The following NECAB2 variants were observed in gnomAD, a reference collection of about 807,000 sequenced individuals.
NECAB2 encodes N-terminal EF-hand calcium binding protein 2.
NECAB2 carries 68 observed loss-of-function variants against 51.9 expected under a neutral mutation model. The ratio of observed to expected loss-of-function variants is 1.31; its 90% confidence interval spans 1.08 to 1.60. The LOEUF is 1.60. NECAB2 is among the 40% of genes most tolerant of loss of function. The pLI, the probability that NECAB2 is intolerant of heterozygous loss-of-function variation, is 0.00. For synonymous variants in NECAB2, 329 were observed against 203.5 expected (o/e 1.62, Z -5.25); for missense variants, 854 against 490.3 (o/e 1.74, Z -7.00).
At chr16:83,997,367 T>G (rs1435545864) in intron 9 of NECAB2, 98 bp downstream of exon 9, 5 of 1,470,852 alleles carry the variant, frequency 3.4e-6, no homozygotes, top group Non-Finnish European at 4.7e-6. Context: ...CCGCTCTCCC[T>G]GCTTGGGACC....
chr16:83,981,263 C>G, intron 5 of NECAB2, 136 bp downstream of exon 5: 1 of 714,152 alleles, frequency 1.4e-6, no homozygotes, highest in Non-Finnish European at 2.4e-6. Flanking sequence ...GCCTGGGCCT[C>G]TTTGAAGCAG....
At chr16:83,979,150 G>A (rs1312662436) in intron 3 of NECAB2, among the ~76,000 whole-genome samples, 1 of 152,082 alleles carries the variant, frequency 6.6e-6, no homozygotes, top group East Asian at 1.9e-4. Flanking sequence ...ACCCTTCCCA[G>A]CCTCACCTCC....
rs552637034 is a variant in NECAB2, at chr16:83,982,913, G to A, written c.459+1786G>A. ...TGAGACAGAGTCTCACTCTTGTCCAGGCTGGAGTGCAGTGATACAATGTCG... is the reference window on the plus strand; with the variant it reads ...TGAGACAGAGTCTCACTCTTGTCCAAGCTGGAGTGCAGTGATACAATGTCG... On this transcript the variant is annotated intron_variant, in intron 5 of 12. Transcript: ENST00000305202. 2.0e-5 allele frequency among the ~76,000 whole-genome samples: 3 copies of A among 150,924 alleles called. No homozygotes were observed. The East Asian group carries it at 5.9e-4, about 30-fold the overall frequency.
chr16:83,984,494 G>T (rs528966556), intron 5 of NECAB2, among the ~76,000 whole-genome samples: 82 of 151,644 alleles, frequency 5.4e-4, no homozygotes, highest in African/African-American at 1.8e-3. Context: ...AGGCCGAGGC[G>T]GGAGGATCGC....
chr16:83,977,922 A>G (rs1482876668), intron 2 of NECAB2, among the ~76,000 whole-genome samples: 2 of 152,158 alleles, frequency 1.3e-5, no homozygotes, highest in Non-Finnish European at 2.9e-5. Context: ...TTTGGAAGCT[A>G]TGGAGTGGTG....
chr16:83,972,201 C>A lies in NECAB2; in HGVS notation c.226+26C>A, dbSNP rs377764832. On this transcript the variant is annotated intron_variant, in intron 2 of 12. Transcript: ENST00000305202. ...GTGAGTTTCCCTTCCAGGCCGACGG[C>A]CGCCCCACTCCTTCTGTCCTCGTGC... 3 of 1,613,478 alleles carry A rather than the reference C, an allele frequency of 1.9e-6. No homozygotes were observed. In the South Asian group the frequency reaches 3.3e-5, roughly 18 times the overall value.
intron 10 of NECAB2, 114 bp from the exon 11 acceptor site, chr16:84,000,610 C>T (rs947041753): frequency 2.6e-6 from 2 of 756,600 alleles, no homozygotes; most frequent in Admixed American, 2.4e-5. Context: ...CAGGAAGAAA[C>T]ATTGAAGGCA....
chr16:83,994,573 A>G, intron 7 of NECAB2, 36 bp from the exon 8 acceptor site: 4 of 1,613,272 alleles, frequency 2.5e-6, no homozygotes, highest in Non-Finnish European at 3.4e-6. Context: ...CGTCCTGCCC[A>G]CCACTGAAGT....
chr16:84,000,005 G>A (rs991586380), intron 10 of NECAB2, among the ~76,000 whole-genome samples: 1 of 151,992 alleles, frequency 6.6e-6, no homozygotes, highest in Non-Finnish European at 1.5e-5. Flanking sequence ...TCATGCCTCA[G>A]TGTCCTGCAT....
At chr16:83,980,027 C>A (rs574680261) in intron 3 of NECAB2, among the ~76,000 whole-genome samples, 2 of 152,196 alleles carry the variant, frequency 1.3e-5, no homozygotes, top group African/African-American at 4.8e-5. Context: ...GCATGCAGAG[C>A]CCCCGAGTGC....
chr16:83,999,463 C>T (rs2084777566), intron 10 of NECAB2, among the ~76,000 whole-genome samples: 1 of 152,144 alleles, frequency 6.6e-6, no homozygotes, highest in Admixed American at 6.5e-5. Flanking sequence ...CCTGGAGAGC[C>T]AGGTGAGATT....
chr16:84,002,314 T>C lies in NECAB2; in HGVS notation c.1133-4T>C, dbSNP rs5012585. 0.19 allele frequency: 307,581 copies of C among 1,613,204 alleles called. 39,448 individuals carry two copies. Among genetic ancestry groups the C allele is most frequent in the African/African-American group, 0.67 (50,421 of 74,848 alleles). ...TTCCCTCTAACGTGTCTCTCTCCTT[T>C]TAGCTGCTTGGTGCACGGTGGGACG... On this transcript the variant is annotated splice_region_variant and splice_polypyrimidine_tract_variant and intron_variant, in intron 12 of 12. Transcript: ENST00000305202.
At chr16:83,971,770 C>T (rs1016168802) in intron 1 of NECAB2, 7 of 343,820 alleles carry the variant, frequency 2.0e-5, no homozygotes, top group African/African-American at 1.1e-4. Flanking sequence ...GGTTGTGGCG[C>T]TCCCTGGGAC....
At chr16:83,979,340 G>T (rs1264612705) in intron 3 of NECAB2, among the ~76,000 whole-genome samples, 1 of 152,220 alleles carries the variant, frequency 6.6e-6, no homozygotes, top group Non-Finnish European at 1.5e-5. Context: ...GGTTCTCTGA[G>T]ACTGACTAGA....
intron 2 of NECAB2, among the ~76,000 whole-genome samples, chr16:83,975,840 C>G (rs562539473): frequency 6.6e-6 from 1 of 152,286 alleles, no homozygotes; most frequent in African/African-American, 2.4e-5. Flanking sequence ...CGCTTGGGGT[C>G]TCTGGCAAAA....
Position 84,001,794 on chromosome 16 carries a change from CCCCTGACTCACACATGT to C in NECAB2, c.1041-25_1041-9del, listed in dbSNP as rs748735886. On this transcript the variant is annotated splice_polypyrimidine_tract_variant and intron_variant, in intron 11 of 12. Coordinates refer to ENST00000305202, the MANE Select transcript of NECAB2 (RefSeq NM_019065.3). ...CACACGCGGAGCTCCACTCCTGCCA[CCCCTGACTCACACATGT>C]CCCTGCGTCACAGGCACCTGCAGAG... 11 of 1,612,444 alleles carry C rather than the reference CCCCTGACTCACACATGT, an allele frequency of 6.8e-6. No individual in the cohort carries two copies. Among genetic ancestry groups the C allele is most frequent in the Non-Finnish European group, 6.8e-6 (8 of 1,178,652 alleles).
intron 11 of NECAB2, among the ~76,000 whole-genome samples, chr16:84,001,208 G>A (rs758471243): frequency 1.3e-5 from 2 of 151,770 alleles, no homozygotes; most frequent in South Asian, 2.1e-4. Context: ...CCGGTACGAG[G>A]GACGGAGATG....
upstream of NECAB2, chr16:83,965,186 A>AC (rs1567658567): frequency 2.5e-6 from 4 of 1,612,502 alleles, no homozygotes; most frequent in South Asian, 1.1e-5. Context: ...GGAGTGGGGG[A>AC]CCCCCGATCC....
intron 2 of NECAB2, among the ~76,000 whole-genome samples, chr16:83,975,621 G>T (rs551700753): frequency 1.3e-5 from 2 of 152,136 alleles, no homozygotes; most frequent in African/African-American, 4.8e-5. Context: ...GCTGGATACC[G>T]GATGCCCAGT....
Sources: gnomAD v4.1 joint callset for allele counts (sites outside exome capture counted in the v4.1 genomes callset) on GRCh38, gnomAD v4.1.1 for gene constraint, MANE v1.5 for transcripts, NCBI Gene and HGNC (gene_info 2026-07-23, HGNC 2026-07-21) for gene names.